Variants in VSTM5 observed in about 807,000 individuals in gnomAD.
VSTM5 encodes V-set and transmembrane domain-containing protein 5.
In VSTM5, 21 loss-of-function variants were observed where a neutral mutation model predicts 20.3. The observed-to-expected ratio is 1.03, with a 90% CI of 0.73 to 1.49. The LOEUF (loss-of-function observed/expected upper bound fraction) is 1.49. VSTM5 is among the 40% of genes most tolerant of loss of function. The pLI, the probability that VSTM5 is intolerant of heterozygous loss-of-function variation, is 0.00. For synonymous variants in VSTM5, 100 were observed against 102.5 expected, an observed-to-expected ratio of 0.98 and a Z score of 0.14; for missense variants, 219 against 250.0, an observed-to-expected ratio of 0.88 and a Z score of 0.84.
intron 1 of VSTM5, among the ~76,000 whole-genome samples, chr11:93,839,365 C>T (rs1166073256): frequency 2.0e-5 from 3 of 152,156 alleles, no homozygotes; most frequent in Non-Finnish European, 4.4e-5. Context: ...GGTCCTGGTT[C>T]CAGGTCTAGG....
chr11:93,842,428 CT>C (rs751848162), intron 1 of VSTM5, among the ~76,000 whole-genome samples: 13 of 152,238 alleles, frequency 8.5e-5, no homozygotes, highest in Admixed American at 2.0e-4. Flanking sequence ...CCTACCACAC[CT>C]TTTCCAGGCA....
chr11:93,844,395 T>G (rs1263900616), intron 1 of VSTM5, among the ~76,000 whole-genome samples: 1 of 152,092 alleles, frequency 6.6e-6, no homozygotes, highest in Non-Finnish European at 1.5e-5. Flanking sequence ...CCGTGCCTAG[T>G]GCTGAAGGAC....
intron 1 of VSTM5, among the ~76,000 whole-genome samples, chr11:93,831,947 G>A (rs1161972161): frequency 6.6e-6 from 1 of 152,204 alleles, no homozygotes; most frequent in Non-Finnish European, 1.5e-5. Flanking sequence ...CATTAGTGTG[G>A]TGATTGTAAA....
chr11:93,820,951 C>T, intron 2 of VSTM5, 46 bp downstream of exon 2: 5 of 1,550,724 alleles, frequency 3.2e-6, no homozygotes, highest in Non-Finnish European at 4.4e-6. Flanking sequence ...TGGCCTCCCA[C>T]ACATTCACAG....
chr11:93,820,569 C>T lies in VSTM5; in HGVS notation c.603G>A (p.Ter201=). 3.2e-6 allele frequency: 5 copies of T among 1,551,926 alleles called. No homozygotes were observed. The highest frequency in any genetic ancestry group is 4.4e-6 in the Non-Finnish European group (5 of 1,147,066). The change falls in exon 4 of 4, where the codon TAG becomes TAA. Residue 201 remains the stop codon, a stop_retained_variant. Transcript: ENST00000409977. ...EEIELEDVEC[*] The stretch of plus-strand genomic sequence containing the variant: ...GGAATGCAGTCAGGCCCAGCCTTGG[C>T]TAACACTCAACATCTTCCAGCTCAA...
chr11:93,840,754 G>A (rs1246562888), intron 1 of VSTM5, among the ~76,000 whole-genome samples: 10 of 152,174 alleles, frequency 6.6e-5, no homozygotes, highest in Non-Finnish European at 1.5e-5. Flanking sequence ...CTAGATTGCA[G>A]GGCCCGGTCC....
In VSTM5 at chr11:93,821,231, C is replaced by T. The variant is rs1179603005; in HGVS notation, c.184G>A (p.Val62Met). The T allele has an allele frequency of 5.8e-6, 9 of 1,551,996 alleles. No individual in the cohort carries two copies. The South Asian group carries it at 9.5e-5, about 16-fold the overall frequency. Residue 62 changes from valine to methionine, a missense_variant, in exon 2 of 4, where the codon GTG becomes ATG. By Grantham distance (21) the Val-to-Met change is conservative. Coordinates refer to ENST00000409977, the MANE Select transcript of VSTM5 (RefSeq NM_001144871.2). ...LLSVEYSCHG[V>M]PTIEWTYSSN... ...GAATATGTCCATTCGATGGTGGGCA[C>T]TCCATGACAGGAGTACTCAACTGAG...
At chr11:93,850,054 T>C (rs1445795849) in intron 1 of VSTM5, among the ~76,000 whole-genome samples, 1 of 152,208 alleles carries the variant, frequency 6.6e-6, no homozygotes, top group Non-Finnish European at 1.5e-5. Flanking sequence ...AAATAAAAAA[T>C]GTTGCAGAGG....
Position 93,824,975 on chromosome 11 carries a change from T to C in VSTM5, c.92-3652A>G, listed in dbSNP as rs74974215. ...TTTAGTCAAATATTAGTTGACCATATATAAGTGCCTTTGTTTCTGGGCTAT... is the reference window on the plus strand; with the variant it reads ...TTTAGTCAAATATTAGTTGACCATACATAAGTGCCTTTGTTTCTGGGCTAT... On this transcript the variant is annotated intron_variant, in intron 1 of 3. Coordinates refer to ENST00000409977, the MANE Select transcript of VSTM5 (RefSeq NM_001144871.2). Among the ~76,000 whole-genome samples the C allele has an allele frequency of 7.8e-3, 1,192 of 152,338 alleles. 16 individuals are homozygous for C. The highest frequency in any genetic ancestry group is 0.026 in the African/African-American group (1,088 of 41,556).
intron 1 of VSTM5, among the ~76,000 whole-genome samples, chr11:93,828,865 A>G (rs985274825): frequency 1.3e-5 from 2 of 152,186 alleles, no homozygotes; most frequent in Non-Finnish European, 2.9e-5. Context: ...GTGACGAGTG[A>G]TATTACAAAA....
At chr11:93,845,286 C>T (rs1944404763) in intron 1 of VSTM5, among the ~76,000 whole-genome samples, 2 of 152,212 alleles carry the variant, frequency 1.3e-5, no homozygotes, top group South Asian at 4.1e-4. Context: ...GGCTTACATA[C>T]ACCACTGGGA....
At chr11:93,838,519 C>G (rs1272822799) in intron 1 of VSTM5, among the ~76,000 whole-genome samples, 1 of 150,130 alleles carries the variant, frequency 6.7e-6, no homozygotes, top group East Asian at 2.0e-4. Context: ...AGGCCGAGCA[C>G]AGTGGGTCAC....
intron 1 of VSTM5, among the ~76,000 whole-genome samples, chr11:93,834,028 G>T (rs1944303368): frequency 1.3e-5 from 2 of 151,970 alleles, no homozygotes; most frequent in Admixed American, 1.3e-4. Flanking sequence ...AGGATCCAAG[G>T]ACTCCTGTCA....
Position 93,818,726 on chromosome 11 carries a change from G to A in VSTM5, c.*1843C>T, listed in dbSNP as rs1944152796. The stretch of plus-strand genomic sequence containing the variant: ...CCCAACTCCCACTGCTTTCCTGCTG[G>A]TGGCCTCTCTGTGTGAAAGACAAGA... On this transcript the variant is annotated 3_prime_UTR_variant, in exon 4 of 4. Coordinates refer to ENST00000409977, the MANE Select transcript of VSTM5 (RefSeq NM_001144871.2). The A allele has an allele frequency of 6.6e-6, 1 of 152,204 alleles. No individual in the cohort carries two copies. The highest frequency in any genetic ancestry group is 6.5e-5 in the Admixed American group (1 of 15,272). 9.4% of individuals were successfully genotyped at this position (152,204 alleles called of 1,614,324 possible). A position where few individuals can be genotyped will look rare whatever the true frequency, so the allele number is the denominator to read the frequency against.
intron 1 of VSTM5, among the ~76,000 whole-genome samples, chr11:93,843,614 T>C (rs1944389018): frequency 6.6e-6 from 1 of 152,222 alleles, no homozygotes. Context: ...GTGCCTGTCA[T>C]GAAGTGCTTG....
rs11020541 is a variant in VSTM5, at chr11:93,850,424, G to A, written c.79C>T (p.Arg27Cys). Residue 27 changes from arginine (R) to cysteine (C), a missense_variant, in exon 1 of 4, where the codon CGC (arginine) becomes TGC (cysteine). Physicochemically the swap from Arg to Cys is radical, Grantham distance 180. Transcript: ENST00000409977. ...CCCCGGAGCTTACTCTGCAGACAGC[G>A]GGCTGCGGCCAGGCAGAGGGCGAAG... ...GLFALCLAAA[R>C]CLQSQGVSLY... The A allele has an allele frequency of 0.031, 48,634 of 1,548,550 alleles. 856 individuals are homozygous for A. Among genetic ancestry groups the A allele is most frequent in the African/African-American group, 0.051 (3,711 of 72,988 alleles).
chr11:93,831,469 G>A (rs931329582), intron 1 of VSTM5, among the ~76,000 whole-genome samples: 1 of 152,188 alleles, frequency 6.6e-6, no homozygotes, highest in Admixed American at 6.5e-5. Context: ...GAAGAACAGT[G>A]CTGATAGCTG....
chr11:93,837,743 G>A (rs1944335446), intron 1 of VSTM5, among the ~76,000 whole-genome samples: 1 of 152,072 alleles, frequency 6.6e-6, no homozygotes, highest in Non-Finnish European at 1.5e-5. Context: ...GGTAGGCACG[G>A]GTATACCAGG....
chr11:93,824,302 C>T (rs758830513), intron 1 of VSTM5, among the ~76,000 whole-genome samples: 5 of 152,090 alleles, frequency 3.3e-5, no homozygotes, highest in African/African-American at 4.8e-5. Context: ...GCAAGGGTTC[C>T]CTTTCTCCAT....
Sources: allele counts gnomAD v4.1 joint callset (sites outside exome capture counted in the v4.1 genomes callset), GRCh38; gene constraint gnomAD v4.1.1; transcripts MANE v1.5; gene names NCBI Gene and HGNC (gene_info 2026-07-23, HGNC 2026-07-21).